Variants in NXN observed in about 807,000 individuals in gnomAD.
NXN encodes the protein nucleoredoxin 1.
NXN carries 16 observed loss-of-function variants against 48.6 expected under a neutral mutation model. The ratio of observed to expected loss-of-function variants is 0.33; its 90% CI spans 0.22 to 0.50. NXN has a LOEUF of 0.50. NXN is among the 20% of genes least tolerant of loss of function. NXN has a pLI of 0.98. For missense variants in NXN, 492 were observed against 605.5 expected, an observed-to-expected ratio of 0.81 and a Z score of 1.97; for synonymous variants, 281 against 269.6, an observed-to-expected ratio of 1.04 and a Z score of -0.41.
At chr17:961,694 GA>G (rs1199772553) in intron 1 of NXN, among the ~76,000 whole-genome samples, 3 of 152,140 alleles carry the variant, frequency 2.0e-5, no homozygotes, top group Admixed American at 1.3e-4. Context: ...CTGAATCTTT[GA>G]AAAGTTTGCC....
Position 849,141 on chromosome 17 carries a change from C to T in NXN, c.361-23063G>A, listed in dbSNP as rs898406486. ...CACCCCACCCACACCCTTTGTTCCACGGCAGGCAATCATGGTGGGTGTGCA... is the reference window on the plus strand; with the variant it reads ...CACCCCACCCACACCCTTTGTTCCATGGCAGGCAATCATGGTGGGTGTGCA... On this transcript the variant is annotated intron_variant, in intron 1 of 7. Transcript: ENST00000336868. The surrounding 1 kb of genome is among the most constrained non-coding windows in gnomAD (Gnocchi z 4.2). 1.3e-5 allele frequency among the ~76,000 whole-genome samples: 2 copies of T among 152,184 alleles called. No individual in the cohort carries two copies. Among genetic ancestry groups the T allele is most frequent in the African/African-American group, 4.8e-5 (2 of 41,448 alleles).
At chr17:822,644 C>T (rs1912880329) in intron 3 of NXN, among the ~76,000 whole-genome samples, 187 bp from the exon 4 acceptor site, 1 of 151,950 alleles carries the variant, frequency 6.6e-6, no homozygotes, top group Non-Finnish European at 1.5e-5. Flanking sequence ...ATCGCTTGAG[C>T]CCAGGAGTTT....
chr17:963,139 G>T (rs566936536), intron 1 of NXN, among the ~76,000 whole-genome samples: 2 of 150,054 alleles, frequency 1.3e-5, no homozygotes, highest in African/African-American at 4.9e-5. Flanking sequence ...CACCTGTCAG[G>T]TTAGCCGAGG....
chr17:874,337 C>A (rs929498413), intron 1 of NXN, among the ~76,000 whole-genome samples: 2 of 152,178 alleles, frequency 1.3e-5, no homozygotes, highest in Admixed American at 1.3e-4. Context: ...CGCCTGTAAT[C>A]CCAGCACTTT....
intron 1 of NXN, among the ~76,000 whole-genome samples, chr17:955,365 T>TC (rs1241735810): frequency 6.6e-6 from 1 of 150,840 alleles, no homozygotes; most frequent in Non-Finnish European, 1.5e-5. Flanking sequence ...AGATGGGGTT[T>TC]CACCATCTTG....
chr17:940,503 C>A (rs1223593752), intron 1 of NXN, among the ~76,000 whole-genome samples: 2 of 152,214 alleles, frequency 1.3e-5, no homozygotes, highest in African/African-American at 4.8e-5. Flanking sequence ...AAAATCAATT[C>A]CACTGAGGTC....
intron 5 of NXN, among the ~76,000 whole-genome samples, chr17:818,122 G>A (rs950414210): frequency 8.6e-5 from 13 of 151,964 alleles, no homozygotes; most frequent in African/African-American, 2.9e-4. Flanking sequence ...TGAGCAGGGA[G>A]TGGTGGTGTG....
intron 1 of NXN, among the ~76,000 whole-genome samples, chr17:926,544 T>G (rs12940270): frequency 0.18 from 15,298 of 86,852 alleles, 899 homozygotes; most frequent in Middle Eastern, 0.26. Flanking sequence ...GTTTTTTTTT[T>G]GTTTTTTTGT....
chr17:951,831 G>A (rs1222501301), intron 1 of NXN, among the ~76,000 whole-genome samples: 2 of 152,166 alleles, frequency 1.3e-5, no homozygotes, highest in African/African-American at 2.4e-5. Context: ...GGGCAGAGAG[G>A]ACGGGAGGCA....
At chr17:846,017 G>C (rs1170760304) in intron 1 of NXN, among the ~76,000 whole-genome samples, 1 of 151,880 alleles carries the variant, frequency 6.6e-6, no homozygotes, top group Non-Finnish European at 1.5e-5. Flanking sequence ...GGGAGGCGGA[G>C]GTTGCAGTGA....
chr17:930,960 G>A (rs1027755627), intron 1 of NXN, among the ~76,000 whole-genome samples: 4 of 151,930 alleles, frequency 2.6e-5, no homozygotes, highest in Admixed American at 6.6e-5. Context: ...TAGTAGAGAT[G>A]GGGTTTCACC....
At chr17:891,157 C>A (rs893448406) in intron 1 of NXN, among the ~76,000 whole-genome samples, 2 of 152,316 alleles carry the variant, frequency 1.3e-5, no homozygotes, top group Admixed American at 1.3e-4. Flanking sequence ...CAGCTCACTG[C>A]AGCCTTGACA....
At chr17:869,682 T>G (rs1030358148) in intron 1 of NXN, among the ~76,000 whole-genome samples, 10 of 152,256 alleles carry the variant, frequency 6.6e-5, no homozygotes, top group African/African-American at 2.4e-4. Flanking sequence ...AGAGCCCAGT[T>G]CTGTAAGTTC....
At chr17:899,237 C>A (rs886348689) in intron 1 of NXN, among the ~76,000 whole-genome samples, 2 of 152,134 alleles carry the variant, frequency 1.3e-5, no homozygotes, top group African/African-American at 4.8e-5. Context: ...GGATTACAGG[C>A]GTGAGCCACC....
intron 1 of NXN, among the ~76,000 whole-genome samples, chr17:895,639 C>A (rs374142602): frequency 3.6e-5 from 4 of 112,402 alleles, no homozygotes; most frequent in South Asian, 3.7e-4. Flanking sequence ...GGTGAAACCC[C>A]GTCTCTACTT....
intron 1 of NXN, among the ~76,000 whole-genome samples, chr17:957,016 T>A (rs2069178360): frequency 6.6e-6 from 1 of 152,162 alleles, no homozygotes; most frequent in Non-Finnish European, 1.5e-5. Context: ...CCCAGCTTAA[T>A]TATAAACGCC....
intron 1 of NXN, chr17:959,117 G>A: frequency 2.6e-6 from 1 of 387,346 alleles, no homozygotes; most frequent in Non-Finnish European, 4.5e-6. Context: ...GTATGGCCAG[G>A]AGCTGCTGGG....
At chr17:810,011 G>C (rs1911844538) in intron 5 of NXN, among the ~76,000 whole-genome samples, 1 of 150,760 alleles carries the variant, frequency 6.6e-6, no homozygotes, top group Non-Finnish European at 1.5e-5. Context: ...ACGAGTCTGT[G>C]AGTGGCGTGC....
At chr17:839,805 A>AAAAAAAAAAAAAAAAAAAAAAAAAAG (rs1567826433) in intron 1 of NXN, among the ~76,000 whole-genome samples, 31 of 143,006 alleles carry the variant, frequency 2.2e-4, no homozygotes, top group Non-Finnish European at 4.3e-4. Context: ...GTTAAAAAAA[A>AAAAAAAAAAAAAAAAAAAAAAAAAAG]AAAAAAAAAG....
Sources: allele counts gnomAD v4.1 joint callset (sites outside exome capture counted in the v4.1 genomes callset), GRCh38; gene constraint gnomAD v4.1.1; non-coding constraint Gnocchi (gnomAD v3.1); transcripts MANE v1.5; gene names NCBI Gene and HGNC (gene_info 2026-07-23, HGNC 2026-07-21).